Variants in ANKRD34B observed in about 807,000 individuals in gnomAD.
ANKRD34B encodes the protein ankyrin repeat domain 34B, also known as ankyrin repeat domain-containing protein 34B.
Under a neutral mutation model 4.4 loss-of-function variants are expected in ANKRD34B, and 2 were observed. The observed-to-expected ratio is 0.46, with a 90% CI of 0.19 to 1.44. ANKRD34B has a LOEUF of 1.44. Among genes scored for constraint, ANKRD34B ranks in the 40% most tolerant of loss-of-function variants. The pLI is 0.26. For synonymous variants in ANKRD34B, 226 were observed against 227.1 expected (o/e 0.99, Z 0.05); for missense variants, 558 against 604.7 (o/e 0.92, Z 0.81).
chr5:80,565,649 C>G (rs1746543259), intron 3 of ANKRD34B, among the ~76,000 whole-genome samples: 2 of 152,344 alleles, frequency 1.3e-5, no homozygotes, highest in Non-Finnish European at 1.5e-5. Context: ...TCTTCACACT[C>G]ACTGCATTCT....
chr5:80,563,105 AAAAT>A (rs1287315481), intron 4 of ANKRD34B, among the ~76,000 whole-genome samples: 1 of 152,226 alleles, frequency 6.6e-6, no homozygotes, highest in Non-Finnish European at 1.5e-5. Context: ...AAGTTTTTAA[AAAAT>A]AAATAATTAT....
chr5:80,564,589 C>T (rs1746507734), intron 3 of ANKRD34B: 1 of 152,074 alleles, frequency 6.6e-6, no homozygotes, highest in South Asian at 2.1e-4. Flanking sequence ...GCAATGTGGA[C>T]ATAGGCAGAC....
intron 4 of ANKRD34B, among the ~76,000 whole-genome samples, chr5:80,563,506 G>T (rs1746466050): frequency 1.3e-5 from 2 of 152,168 alleles, no homozygotes; most frequent in Admixed American, 1.3e-4. Flanking sequence ...CAGTTCTCAT[G>T]ACATTATCTA....
rs902085194 is a variant in ANKRD34B at position 80,570,264 on chromosome 5, C to T, written c.-449G>A. 5 of 152,254 alleles carry T rather than the reference C, an allele frequency of 3.3e-5. No individual in the cohort carries two copies. The highest frequency in any genetic ancestry group is 7.2e-5 in the African/African-American group (3 of 41,462). The allele number at this position is 152,254 out of a possible 1,614,324, so 9.4% of individuals were successfully genotyped here. A position where few individuals can be genotyped will look rare whatever the true frequency, so the allele number is the denominator to read the frequency against. On this transcript the variant is annotated 5_prime_UTR_variant, in exon 1 of 5. Transcript: ENST00000338682. ...CTGAGCTGAGCTGTGGTCTTCGGCT[C>T]CTCGGCGCCTCGAATCGCAGATCTC... is the stretch of plus-strand genomic sequence containing the variant.
intron 3 of ANKRD34B, chr5:80,564,253 C>T (rs1746494723): frequency 6.6e-6 from 1 of 152,354 alleles, no homozygotes. Flanking sequence ...CTCAAACGAT[C>T]CTCCCACCTC....
chr5:80,561,638 C>G (rs1368294235), intron 4 of ANKRD34B, among the ~76,000 whole-genome samples: 1 of 152,062 alleles, frequency 6.6e-6, no homozygotes, highest in Non-Finnish European at 1.5e-5. Flanking sequence ...CAGCTGGTTA[C>G]AGAGTCAGGA....
chr5:80,559,360 A>T lies in ANKRD34B; in HGVS notation c.660T>A (p.Asn220Lys). Reference sequence around the variant, plus strand: ...GGGAACCTGGGTCCCAGGTATCATCATTGCTTCCAGCAAGCTCAAGATCTT... The same window carrying T: ...GGGAACCTGGGTCCCAGGTATCATCTTTGCTTCCAGCAAGCTCAAGATCTT... Reference protein sequence around the residue: ...GFKDLELAGSNDDTWDPGSPV... With the variant: ...GFKDLELAGSKDDTWDPGSPV... The change falls in exon 5 of 5, where the codon AAT (asparagine) becomes AAA (lysine). Residue 220 changes from asparagine (N) to lysine (K), a missense_variant. Asn to Lys is a moderately conservative substitution (Grantham distance 94). Transcript: ENST00000338682. 6.2e-7 allele frequency: 1 copy of T among 1,614,160 alleles called. No homozygotes were observed. The highest frequency in any genetic ancestry group is 8.5e-7 in the Non-Finnish European group (1 of 1,180,028).
rs1258467142 is a variant in ANKRD34B at position 80,559,851 on chromosome 5, C to G, written c.169G>C (p.Asp57His). ...LMIACKTKHV[D>H]HQSVSKAKMV... Reference sequence around the variant, plus strand: ...TTGGCTTTACTGACACTCTGGTGATCGACATGTTTGGTCTTACAAGCGATC... The same window carrying G: ...TTGGCTTTACTGACACTCTGGTGATGGACATGTTTGGTCTTACAAGCGATC... The change falls in exon 5 of 5, where the codon GAT becomes CAT. Residue 57 changes from aspartate (D) to histidine (H), a missense_variant. Physicochemically the swap from Asp to His is moderately conservative, Grantham distance 81. Transcript: ENST00000338682. 2 of 1,614,178 alleles carry G rather than the reference C, an allele frequency of 1.2e-6. No individual in the cohort carries two copies. The highest frequency in any genetic ancestry group is 2.2e-5 in the East Asian group (1 of 44,886).
At chr5:80,560,466 G>A (rs1746382656) in intron 4 of ANKRD34B, among the ~76,000 whole-genome samples, 1 of 152,034 alleles carries the variant, frequency 6.6e-6, no homozygotes, top group Non-Finnish European at 1.5e-5. Context: ...GACCAGCCTG[G>A]GCAATGTGTA....
Position 80,558,419 on chromosome 5 carries a change from A to T in ANKRD34B, c.*56T>A. 1 of 1,306,714 alleles carries T rather than the reference A, an allele frequency of 7.7e-7. No individual in the cohort carries two copies. The highest frequency in any genetic ancestry group is 1.1e-6 in the Non-Finnish European group (1 of 942,242). 80.9% of individuals were successfully genotyped at this position (1,306,714 alleles called of 1,614,324 possible). On this transcript the variant is annotated 3_prime_UTR_variant, in exon 5 of 5. Transcript: ENST00000338682. ...AATGAACATTTAAGATTTCTTCTCTAGTTCTTTGTTTCTCTGATATAAACA... is the reference window on the plus strand; with the variant it reads ...AATGAACATTTAAGATTTCTTCTCTTGTTCTTTGTTTCTCTGATATAAACA...
In ANKRD34B at chr5:80,558,878, G is replaced by A. The variant is rs763836907; in HGVS notation, c.1142C>T (p.Pro381Leu). 1 of 1,614,018 alleles carries A rather than the reference G, an allele frequency of 6.2e-7. No homozygotes were observed. The highest frequency in any genetic ancestry group is 8.5e-7 in the Non-Finnish European group (1 of 1,180,006). The change falls in exon 5 of 5, where the codon CCT becomes CTT. Residue 381 changes from proline to leucine, a missense_variant. Physicochemically the swap from Pro to Leu is moderately conservative, Grantham distance 98. Transcript: ENST00000338682. ...SDSQLSAGLT[P>L]PTSEDGKALI... Reference sequence around the variant, plus strand: ...TGCTTTGCCGTCTTCTGAAGTTGGAGGGGTAAGGCCAGCTGAGAGCTGGGA... The same window carrying A: ...TGCTTTGCCGTCTTCTGAAGTTGGAAGGGTAAGGCCAGCTGAGAGCTGGGA...
At chr5:80,561,152 T>A (rs1036846392) in intron 4 of ANKRD34B, among the ~76,000 whole-genome samples, 1 of 152,210 alleles carries the variant, frequency 6.6e-6, no homozygotes, top group Admixed American at 6.5e-5. Flanking sequence ...AAAATATTTA[T>A]GTTTAATTTA....
rs749876120 is a variant in ANKRD34B at position 80,559,386 on chromosome 5, T to G, written c.634A>C (p.Lys212Gln). Reference sequence around the variant, plus strand: ...TTGCTTCCAGCAAGCTCAAGATCTTTAAAGCCAAAAAGCGTCAGTTCCGTT... The same window carrying G: ...TTGCTTCCAGCAAGCTCAAGATCTTGAAAGCCAAAAAGCGTCAGTTCCGTT... ...SETELTLFGF[K>Q]DLELAGSNDD... Residue 212 changes from lysine to glutamine, a missense_variant, in exon 5 of 5, where the codon AAA (lysine) becomes CAA (glutamine). Transcript: ENST00000338682. 1 of 1,614,178 alleles carries G rather than the reference T, an allele frequency of 6.2e-7. No homozygotes were observed. Among genetic ancestry groups the G allele is most frequent in the South Asian group, 1.1e-5 (1 of 91,086 alleles).
chr5:80,566,143 T>C (rs1254407428), intron 3 of ANKRD34B, among the ~76,000 whole-genome samples: 1 of 152,132 alleles, frequency 6.6e-6, no homozygotes, highest in Non-Finnish European at 1.5e-5. Flanking sequence ...AGATGAGCAA[T>C]TTCAAACAAG....
chr5:80,565,536 G>C (rs1746539090), intron 3 of ANKRD34B, among the ~76,000 whole-genome samples: 1 of 152,248 alleles, frequency 6.6e-6, no homozygotes, highest in Non-Finnish European at 1.5e-5. Context: ...GCCTCTAGGA[G>C]TCTTGAGTTC....
intron 4 of ANKRD34B, among the ~76,000 whole-genome samples, chr5:80,562,052 CGTGTGTGTGTGT>C (rs56934964): frequency 0.051 from 6,523 of 128,264 alleles, 161 homozygotes; most frequent in South Asian, 0.12. Flanking sequence ...ACTGACTCAG[CGTGTGTGTGTGT>C]GTGTGTGTGT....
At chr5:80,568,129 C>A (rs1301426348) in intron 2 of ANKRD34B, among the ~76,000 whole-genome samples, 3 of 152,156 alleles carry the variant, frequency 2.0e-5, no homozygotes, top group Non-Finnish European at 2.9e-5. Flanking sequence ...TTCCCTATAC[C>A]AATGGGTTCT....
chr5:80,569,760 C>T (rs552218942), intron 1 of ANKRD34B, among the ~76,000 whole-genome samples: 1 of 152,284 alleles, frequency 6.6e-6, no homozygotes, highest in East Asian at 1.9e-4. Flanking sequence ...CGCCGCTCGG[C>T]GAGGCTGAGA....
chr5:80,567,621 C>CAAA (rs111603222), intron 2 of ANKRD34B, among the ~76,000 whole-genome samples: 1,601 of 50,098 alleles, frequency 0.032, 54 homozygotes, highest in African/African-American at 0.087. Flanking sequence ...GACTCCGTCT[C>CAAA]AAAAAAAAAA....
Sources: allele counts gnomAD v4.1 joint callset (sites outside exome capture counted in the v4.1 genomes callset), GRCh38; gene constraint gnomAD v4.1.1; transcripts MANE v1.5; gene names NCBI Gene and HGNC (gene_info 2026-07-23, HGNC 2026-07-21).